Variants in ATP5MG observed in about 807,000 individuals in gnomAD.
ATP5MG encodes the protein ATP synthase membrane subunit g.
Under a neutral mutation model 12.7 loss-of-function variants are expected in ATP5MG, and 7 were observed. The ratio of observed to expected loss-of-function variants is 0.55; its 90% CI spans 0.31 to 1.04. The LOEUF (loss-of-function observed/expected upper bound fraction) is 1.04, where lower values mean the gene tolerates loss of function less well. Among genes scored for constraint, ATP5MG ranks in the 50% least tolerant of loss-of-function variants. The pLI is 0.05. For missense variants in ATP5MG, 116 were observed against 126.7 expected (o/e 0.92, Z 0.41); for synonymous variants, 53 against 48.2 (o/e 1.10, Z -0.41).
At chr11:118,408,464 AT>A (rs1209521864) in intron 2 of ATP5MG, among the ~76,000 whole-genome samples, 64 of 152,316 alleles carry the variant, frequency 4.2e-4, no homozygotes, top group African/African-American at 1.5e-3. Flanking sequence ...ATATGTGCAT[AT>A]TTCTCTTTGG....
rs781907215 is a variant in ATP5MG at position 118,401,625 on chromosome 11, C to G, written c.-41C>G. On this transcript the variant is annotated 5_prime_UTR_variant, in exon 1 of 3. Coordinates refer to ENST00000300688, the MANE Select transcript of ATP5MG (RefSeq NM_006476.5). ...GCGGGTCCTTCCGGCGGGTGACATT[C>G]AGCCGGCGGTTCGGGGCGACGGACT... is the stretch of plus-strand genomic sequence containing the variant. The G allele has an allele frequency of 1.2e-5, 20 of 1,613,304 alleles. No individual in the cohort carries two copies. The highest frequency in any genetic ancestry group is 2.5e-6 in the Non-Finnish European group (3 of 1,179,540).
intron 1 of ATP5MG, among the ~76,000 whole-genome samples, chr11:118,405,441 C>T (rs1948964320): frequency 6.6e-6 from 1 of 152,082 alleles, no homozygotes; most frequent in African/African-American, 2.4e-5. Context: ...CATTATCTAC[C>T]ATTCATTATG....
intron 1 of ATP5MG, among the ~76,000 whole-genome samples, chr11:118,402,696 C>CTTTTTTT (rs782335353): frequency 7.8e-6 from 1 of 128,220 alleles, no homozygotes; most frequent in African/African-American, 2.9e-5. Flanking sequence ...TTCTTTCTTT[C>CTTTTTTT]TTTTTTTTTT....
At chr11:118,408,977 A>C (rs1555132559) in intron 2 of ATP5MG, 23 bp from the exon 3 acceptor site, 1 of 1,358,720 alleles carries the variant, frequency 7.4e-7, no homozygotes, top group Non-Finnish European at 1.0e-6. Context: ...AAGGTACCTT[A>C]AAATGTATGC....
chr11:118,402,701 T>TTTC (rs1948939236), intron 1 of ATP5MG, among the ~76,000 whole-genome samples: 1 of 149,814 alleles, frequency 6.7e-6, no homozygotes, highest in Non-Finnish European at 1.5e-5. Context: ...TCTTTCTTTT[T>TTTC]TTTTTTTTTT....
At position 118,409,181 on chromosome 11, in the gene ATP5MG, A is replaced by G; in HGVS notation, c.*83A>G. 11 of 902,896 alleles carry G rather than the reference A, an allele frequency of 1.2e-5. No individual in the cohort carries two copies. Among genetic ancestry groups the G allele is most frequent in the Non-Finnish European group, 1.7e-5 (11 of 634,402 alleles). The allele number at this position is 902,896 out of a possible 1,614,324, so 55.9% of individuals were successfully genotyped here. A position where few individuals can be genotyped will look rare whatever the true frequency, so the allele number is the denominator to read the frequency against. ...TGTGTGATCAGACTGCTATCTGAAT[A>G]AAATAAGATTTGTCAAAACTCAGTG... On this transcript the variant is annotated 3_prime_UTR_variant, in exon 3 of 3. Coordinates refer to ENST00000300688, the MANE Select transcript of ATP5MG (RefSeq NM_006476.5).
chr11:118,409,011 G>C lies in ATP5MG; in HGVS notation c.225G>C (p.Leu75=), dbSNP rs1555132573. Residue 75 remains leucine (L), a synonymous_variant, in exon 3 of 3, where the codon CTG becomes CTC. Coordinates refer to ENST00000300688, the MANE Select transcript of ATP5MG (RefSeq NM_006476.5). ...GCTTCTTTTTTCAGGAAGCTGTGCT[G>C]AATGGTTTGGTGGCCACTGAGGTGT... ...FKQLTVKEAV[L]NGLVATEVLM... is the part of the protein sequence containing the mutation. 6.3e-7 allele frequency: 1 copy of C among 1,595,542 alleles called. No homozygotes were observed. Among genetic ancestry groups the C allele is most frequent in the Non-Finnish European group, 8.5e-7 (1 of 1,170,986 alleles).
rs1051604046 is a variant in ATP5MG, at chr11:118,409,275, A to G, written c.*177A>G. 2.8e-6 allele frequency: 1 copy of G among 359,534 alleles called. No homozygotes were observed. 22.3% of individuals were successfully genotyped at this position (359,534 alleles called of 1,614,324 possible). ...ATATTAAGCTGGGTTGTCTTTAAAC[A>G]ACCCTAAATACACGTCTGTTTAGCC... On this transcript the variant is annotated 3_prime_UTR_variant, in exon 3 of 3. Coordinates refer to ENST00000300688, the MANE Select transcript of ATP5MG (RefSeq NM_006476.5).
At position 118,406,987 on chromosome 11, in the gene ATP5MG, A is replaced by G; in HGVS notation, c.103A>G (p.Lys35Glu). ...ATTGGCCACATTTTGGTACTACGCCAAGGTTGAGCTGGTTCCTCCCACCCC... is the reference window on the plus strand; with the variant it reads ...ATTGGCCACATTTTGGTACTACGCCGAGGTTGAGCTGGTTCCTCCCACCCC... ...PRLATFWYYA[K>E]VELVPPTPAE... is the part of the protein sequence containing the mutation. The change falls in exon 2 of 3, where the codon AAG (lysine) becomes GAG (glutamate). Residue 35 changes from lysine (K) to glutamate (E), a missense_variant. Physicochemically the swap from Lys to Glu is moderately conservative, Grantham distance 56. Coordinates refer to ENST00000300688, the MANE Select transcript of ATP5MG (RefSeq NM_006476.5). The G allele has an allele frequency of 2.5e-6, 4 of 1,614,030 alleles. No individual in the cohort carries two copies. Among genetic ancestry groups the G allele is most frequent in the Non-Finnish European group, 3.4e-6 (4 of 1,179,962 alleles).
Position 118,401,651 on chromosome 11 carries a change from C to G in ATP5MG, c.-15C>G. The G allele has an allele frequency of 6.2e-7, 1 of 1,614,154 alleles. No homozygotes were observed. ...AGCCGGCGGTTCGGGGCGACGGACT[C>G]TCCATTCCAGAACCATGGCCCAATT... On this transcript the variant is annotated 5_prime_UTR_variant, in exon 1 of 3. Transcript: ENST00000300688.
At chr11:118,405,186 G>A (rs1565546181) in intron 1 of ATP5MG, among the ~76,000 whole-genome samples, 1 of 152,074 alleles carries the variant, frequency 6.6e-6, no homozygotes, top group Non-Finnish European at 1.5e-5. Flanking sequence ...ACTACTTCTA[G>A]GTCCTCTCAT....
In ATP5MG at chr11:118,409,302, G is replaced by A. The variant is rs957960273; in HGVS notation, c.*204G>A. 6 of 285,114 alleles carry A rather than the reference G, an allele frequency of 2.1e-5. No homozygotes were observed. Among genetic ancestry groups the A allele is most frequent in the Admixed American group, 5.1e-5 (1 of 19,526 alleles). The allele number at this position is 285,114 out of a possible 1,614,324, so 17.7% of individuals were successfully genotyped here. ...CCCTAAATACACGTCTGTTTAGCCC[G>A]CAATTGGAAAGGATATATGTGGCAA... is the stretch of plus-strand genomic sequence containing the variant. On this transcript the variant is annotated 3_prime_UTR_variant, in exon 3 of 3. Transcript: ENST00000300688.
chr11:118,401,983 G>A (rs1350238855), intron 1 of ATP5MG: 6 of 441,822 alleles, frequency 1.4e-5, no homozygotes, highest in Non-Finnish European at 2.4e-5. Context: ...AAGGAAGCCC[G>A]GCGTTGCCCG....
chr11:118,404,270 A>G (rs1555131723), intron 1 of ATP5MG, among the ~76,000 whole-genome samples: 2 of 152,218 alleles, frequency 1.3e-5, no homozygotes, highest in African/African-American at 4.8e-5. Flanking sequence ...TAGGAAGATC[A>G]TAGAATCTGA....
intron 2 of ATP5MG, chr11:118,407,440 G>A (rs1191558921): frequency 2.4e-5 from 5 of 204,670 alleles, no homozygotes; most frequent in Non-Finnish European, 5.0e-5. Context: ...GGAGTCCTGA[G>A]ATTGTCCCCA....
chr11:118,401,852 G>C (rs1379360354), intron 1 of ATP5MG, 135 bp downstream of exon 1: 1 of 1,074,858 alleles, frequency 9.3e-7, no homozygotes, highest in Non-Finnish European at 1.3e-6. Flanking sequence ...CAGGTGGAGG[G>C]AGCAGGAAGC....
chr11:118,404,989 C>T (rs1948959862), intron 1 of ATP5MG, among the ~76,000 whole-genome samples: 1 of 152,188 alleles, frequency 6.6e-6, no homozygotes, highest in African/African-American at 2.4e-5. Context: ...CAGGTTAGCA[C>T]CTCTGTCCCT....
intron 1 of ATP5MG, among the ~76,000 whole-genome samples, chr11:118,402,123 G>T (rs115681280): frequency 0.013 from 2,001 of 152,300 alleles, 44 homozygotes; most frequent in African/African-American, 0.043. Flanking sequence ...ATTACATGTG[G>T]TGTTGTTCTC....
chr11:118,404,933 T>C (rs1948959454), intron 1 of ATP5MG, among the ~76,000 whole-genome samples: 1 of 152,246 alleles, frequency 6.6e-6, no homozygotes, highest in African/African-American at 2.4e-5. Context: ...TCAAATACTG[T>C]ATTATTGCTC....
Sources: allele counts gnomAD v4.1 joint callset (sites outside exome capture counted in the v4.1 genomes callset), GRCh38; gene constraint gnomAD v4.1.1; transcripts MANE v1.5; gene names NCBI Gene and HGNC (gene_info 2026-07-23, HGNC 2026-07-21).